The following HSPA8 variants were observed in gnomAD, a reference collection of about 807,000 sequenced individuals.
The protein encoded by HSPA8 is heat shock protein family A (Hsp70) member 8, also known as heat shock cognate 71 kDa protein.
In HSPA8, 2 loss-of-function variants were observed where a neutral mutation model predicts 52.8. The observed-to-expected ratio is 0.04, with a 90% CI of 0.02 to 0.12. HSPA8 has a LOEUF of 0.12. Among genes scored for constraint, HSPA8 ranks in the 10% least tolerant of loss-of-function variants. HSPA8 has a pLI of 1.00. For synonymous variants in HSPA8, 436 were observed against 274.0 expected (o/e 1.59, Z -5.84); for missense variants, 349 against 800.5 (o/e 0.44, Z 6.81).
At chr11:123,059,394 G>A (rs536635310) in intron 5 of HSPA8, 79 bp downstream of exon 5, 11 of 1,405,864 alleles carry the variant, frequency 7.8e-6, no homozygotes, top group African/African-American at 6.3e-5. Flanking sequence ...TGGAAACTAC[G>A]AATGTTTAAC....
intron 8 of HSPA8, 83 bp downstream of exon 8, chr11:123,058,169 C>T: frequency 4.3e-6 from 4 of 938,034 alleles, no homozygotes; most frequent in South Asian, 3.0e-5. Flanking sequence ...TGACCCTACA[C>T]TGAAATCCAG....
rs758237764 is a variant in HSPA8 at position 123,058,633 on chromosome 11, C to T, written c.1521G>A (p.Lys507=). Residue 507 remains lysine (K), a splice_region_variant and synonymous_variant, in exon 7 of 9, where the codon AAG becomes AAA. Transcript: ENST00000534624. ...KENKITITND[K]GRLSKEDIER... ...GACCAGATGACAGTGCCTCCTTACC[C>T]TTGTCATTAGTGATAGTAATCTTGT... 24 of 1,611,326 alleles carry T rather than the reference C, an allele frequency of 1.5e-5. No homozygotes were observed. In the Admixed American group the frequency reaches 2.3e-4, roughly 16 times the overall value.
chr11:123,057,673 A>T lies in HSPA8; in HGVS notation c.*61T>A. 7.2e-7 allele frequency: 1 copy of T among 1,384,184 alleles called. No homozygotes were observed. The highest frequency in any genetic ancestry group is 9.9e-7 in the Non-Finnish European group (1 of 1,014,972). The allele number at this position is 1,384,184 out of a possible 1,614,324, so 85.7% of individuals were successfully genotyped here. A position where few individuals can be genotyped will look rare whatever the true frequency, so the allele number is the denominator to read the frequency against. On this transcript the variant is annotated 3_prime_UTR_variant, in exon 9 of 9. Coordinates refer to ENST00000534624, the MANE Select transcript of HSPA8 (RefSeq NM_006597.6). The stretch of plus-strand genomic sequence containing the variant: ...TAAAACTGCCACAGAATTTGCTACG[A>T]ATTTAGGTCCTTCAAATGTTTTAAA...
chr11:123,061,915 A>T (rs1237603282), intron 1 of HSPA8, 149 bp downstream of exon 1: 3 of 157,848 alleles, frequency 1.9e-5, no homozygotes. Context: ...CATCCCACCG[A>T]AAACTGAGGC....
At chr11:123,059,005 G>C in intron 6 of HSPA8, 54 bp downstream of exon 6, 3 of 1,518,462 alleles carry the variant, frequency 2.0e-6, no homozygotes, top group Non-Finnish European at 2.7e-6. Flanking sequence ...AGTCAGTCAA[G>C]ACTTCCCTTT....
At position 123,060,543 on chromosome 11, in the gene HSPA8, G is replaced by A. The variant is rs188681746; in HGVS notation, c.411+50C>T. 3.2e-3 allele frequency: 4,417 copies of A among 1,390,494 alleles called. 14 individuals are homozygous for A. Among genetic ancestry groups the A allele is most frequent in the Non-Finnish European group, 4.0e-3 (3,909 of 978,136 alleles). The allele number at this position is 1,390,494 out of a possible 1,614,324, so 86.1% of individuals were successfully genotyped here. A position where few individuals can be genotyped will look rare whatever the true frequency, so the allele number is the denominator to read the frequency against. ...GGTGCCAGTGCCCCCGGGAGTCATC[G>A]GGCTTTTAACTACTCCGGAATGCAC... On this transcript the variant is annotated intron_variant, in intron 3 of 8. Transcript: ENST00000534624.
rs770645829 is a variant in HSPA8 at position 123,058,350 on chromosome 11, C to A, written c.1657G>T (p.Val553Phe). ...ESYAFNMKATVEDEKLQGKIN... is the reference protein window; with the variant it reads ...ESYAFNMKATFEDEKLQGKIN... ...TTGCCTTGAAGTTTCTCATCTTCAA[C>A]AGTTGCTTTCATGTTGAAGGCATAG... The change falls in exon 8 of 9, where the codon GTT becomes TTT. Residue 553 changes from valine (V) to phenylalanine (F), a missense_variant. Transcript: ENST00000534624. The A allele has an allele frequency of 6.2e-7, 1 of 1,613,536 alleles. No individual in the cohort carries two copies. The highest frequency in any genetic ancestry group is 1.1e-5 in the South Asian group (1 of 91,064).
chr11:123,061,438 A>G, intron 1 of HSPA8, 109 bp from the exon 2 acceptor site: 3 of 818,578 alleles, frequency 3.7e-6, no homozygotes, highest in Non-Finnish European at 5.9e-6. Context: ...CCAAGAGGTA[A>G]TAGTGCCCAT....
At chr11:123,058,898 A>C (rs996347750) in intron 6 of HSPA8, 68 bp from the exon 7 acceptor site, 2 of 1,499,660 alleles carry the variant, frequency 1.3e-6, no homozygotes, top group African/African-American at 2.8e-5. Context: ...GGTCCTGCTA[A>C]GGAAGAATGG....
chr11:123,058,024 G>GGT, intron 8 of HSPA8, 105 bp from the exon 9 acceptor site: 1 of 891,670 alleles, frequency 1.1e-6, no homozygotes, highest in South Asian at 1.7e-5. Flanking sequence ...ACTCTTACAA[G>GGT]AGGGCCACTA....
intron 8 of HSPA8, 125 bp downstream of exon 8, chr11:123,058,127 A>G: frequency 1.3e-6 from 1 of 755,918 alleles, no homozygotes; most frequent in Non-Finnish European, 2.2e-6. Context: ...ATTCTGGTGG[A>G]AACCGCGAAT....
At position 123,060,108 on chromosome 11, in the gene HSPA8, G is replaced by A. The variant is rs1865448089; in HGVS notation, c.564+8C>T. 2 of 1,614,014 alleles carry A rather than the reference G, an allele frequency of 1.2e-6. No homozygotes were observed. Among genetic ancestry groups the A allele is most frequent in the Non-Finnish European group, 1.7e-6 (2 of 1,179,968 alleles). ...ATAATCCGAACTTGCATCACAAATG[G>A]TACATACCTTTTTGTCTAAGCCGTA... On this transcript the variant is annotated splice_region_variant and intron_variant, in intron 4 of 8. Transcript: ENST00000534624.
At chr11:123,058,191 T>A in intron 8 of HSPA8, 61 bp downstream of exon 8, 1 of 1,090,848 alleles carries the variant, frequency 9.2e-7, no homozygotes, top group Non-Finnish European at 1.4e-6. Context: ...TCAAGCTTGG[T>A]TTACCATCCC....
chr11:123,058,167 C>T (rs4936770), intron 8 of HSPA8, 85 bp downstream of exon 8: 256,047 of 903,328 alleles, frequency 0.28, 41,730 homozygotes, highest in East Asian at 0.58. Context: ...TGTGACCCTA[C>T]ACTGAAATCC....
intron 5 of HSPA8, 36 bp downstream of exon 5, chr11:123,059,437 G>GCC (rs1212188536): frequency 1.3e-6 from 2 of 1,563,194 alleles, no homozygotes; most frequent in African/African-American, 2.7e-5. Context: ...CCTTGGGCCT[G>GCC]CCTGCCTTTA....
At chr11:123,058,882 T>G in intron 6 of HSPA8, 52 bp from the exon 7 acceptor site, 2 of 1,543,838 alleles carry the variant, frequency 1.3e-6, no homozygotes, top group South Asian at 2.2e-5. Flanking sequence ...TCTGTGACAG[T>G]GCTAGGGTCC....
intron 5 of HSPA8, 78 bp downstream of exon 5, chr11:123,059,395 A>C (rs1487127560): frequency 6.4e-6 from 9 of 1,405,048 alleles, no homozygotes; most frequent in Non-Finnish European, 8.8e-6. Context: ...GGAAACTACG[A>C]ATGTTTAACA....
intron 5 of HSPA8, 73 bp from the exon 6 acceptor site, chr11:123,059,334 C>T: frequency 2.8e-6 from 4 of 1,406,070 alleles, no homozygotes; most frequent in South Asian, 1.2e-5. Flanking sequence ...TTAACTATCA[C>T]TCGCTCAGAC....
intron 7 of HSPA8, 32 bp from the exon 8 acceptor site, chr11:123,058,516 T>C: frequency 6.2e-7 from 1 of 1,600,672 alleles, no homozygotes; most frequent in Non-Finnish European, 8.6e-7. Flanking sequence ...AGTAAAAGCC[T>C]TAAATTACCT....
Sources: allele counts gnomAD v4.1 joint callset, GRCh38; gene constraint gnomAD v4.1.1; transcripts MANE v1.5; gene names NCBI Gene and HGNC (gene_info 2026-07-23, HGNC 2026-07-21).